Variants in IGSF11 observed in about 807,000 individuals in gnomAD.
IGSF11 encodes immunoglobulin superfamily member 11.
A neutral mutation model predicts 41.0 loss-of-function variants in IGSF11; 22 were observed. The ratio of observed to expected loss-of-function variants is 0.54; its 90% CI spans 0.38 to 0.77. IGSF11 has a LOEUF of 0.77. IGSF11 is among the 30% of genes least tolerant of loss of function. IGSF11 has a pLI of 0.00. For synonymous variants in IGSF11, 219 were observed against 201.3 expected (o/e 1.09, Z -0.74); for missense variants, 444 against 530.8 (o/e 0.84, Z 1.61).
chr3:119,044,694 G>A lies in IGSF11; in HGVS notation c.49+60450C>T, dbSNP rs190096138. On this transcript the variant is annotated intron_variant, in intron 1 of 6. Transcript: ENST00000354673. Reference sequence around the variant, plus strand: ...TGGTAACCTGTCATACAAAGGAAAAGCTATCAGACTAACACCAGATTTCTC... The same window carrying A: ...TGGTAACCTGTCATACAAAGGAAAAACTATCAGACTAACACCAGATTTCTC... 2.3e-3 allele frequency among the ~76,000 whole-genome samples: 346 copies of A among 152,290 alleles called. 1 individual carries two copies. The highest frequency in any genetic ancestry group is 6.9e-3 in the African/African-American group (288 of 41,566).
intron 1 of IGSF11, among the ~76,000 whole-genome samples, chr3:119,014,165 T>C (rs563618041): frequency 6.6e-6 from 1 of 152,308 alleles, no homozygotes; most frequent in East Asian, 1.9e-4. Flanking sequence ...TTTCTAAATT[T>C]AGGAAGTTAG....
Position 118,904,743 on chromosome 3 carries a change from A to G in IGSF11, c.759T>C (p.Ile253=), listed in dbSNP as rs1246357287. ...AAATTAGTGCAATGCAAAAAATGAT[A>G]ATAACTGCACCAGTGCCAATGGCTC... The part of the protein sequence containing the change: ...IAGAIGTGAV[I]IIFCIALILG... The change falls in exon 6 of 7, where the codon ATT becomes ATC. Residue 253 remains isoleucine, a synonymous_variant. Coordinates refer to ENST00000393775, the MANE Select transcript of IGSF11 (RefSeq NM_001015887.3). 6.2e-7 allele frequency: 1 copy of G among 1,613,706 alleles called. No individual in the cohort carries two copies. The highest frequency in any genetic ancestry group is 8.5e-7 in the Non-Finnish European group (1 of 1,179,792).
chr3:119,140,909 T>A (rs2077638025), intron 1 of IGSF11, among the ~76,000 whole-genome samples: 1 of 150,778 alleles, frequency 6.6e-6, no homozygotes, highest in Non-Finnish European at 1.5e-5. Flanking sequence ...CCAGGCATGG[T>A]GGCACATGCC....
chr3:119,133,884 G>A (rs11713516), intron 1 of IGSF11, among the ~76,000 whole-genome samples: 37,972 of 151,966 alleles, frequency 0.25, 4,821 homozygotes, highest in South Asian at 0.3. Flanking sequence ...TGATCAAGTT[G>A]GCTTCACCCC....
chr3:119,116,111 G>T (rs2077252642), intron 1 of IGSF11, among the ~76,000 whole-genome samples: 1 of 152,204 alleles, frequency 6.6e-6, no homozygotes, highest in Non-Finnish European at 1.5e-5. Flanking sequence ...TTCTGGGTGT[G>T]TCTGGAAGGG....
At chr3:119,017,448 T>C (rs1248389501) in intron 1 of IGSF11, among the ~76,000 whole-genome samples, 16 of 152,230 alleles carry the variant, frequency 1.1e-4, no homozygotes, top group Non-Finnish European at 2.1e-4. Flanking sequence ...GTTATAATCT[T>C]ATAGGACCAC....
At chr3:118,914,287 A>G (rs796337586) in intron 4 of IGSF11, among the ~76,000 whole-genome samples, 8 of 152,180 alleles carry the variant, frequency 5.3e-5, no homozygotes, top group Non-Finnish European at 1.0e-4. Flanking sequence ...TCCGGTCTAC[A>G]GCTCCCAGCG....
chr3:118,946,067 G>C (rs1559940203), intron 1 of IGSF11: 9 of 152,076 alleles, frequency 5.9e-5, no homozygotes, highest in African/African-American at 2.2e-4. Context: ...CCCAGATACA[G>C]AGAAGAACTT....
At chr3:118,939,668 A>T (rs1371989930) in intron 1 of IGSF11, among the ~76,000 whole-genome samples, 1 of 152,212 alleles carries the variant, frequency 6.6e-6, no homozygotes, top group African/African-American at 2.4e-5. Context: ...GAGTATGAAA[A>T]CACAACTTAT....
intron 1 of IGSF11, among the ~76,000 whole-genome samples, chr3:118,953,921 T>TGGAAAACCAAA: frequency 1.3e-5 from 2 of 152,090 alleles, no homozygotes; most frequent in Non-Finnish European, 2.9e-5. Flanking sequence ...TCCCATCTAT[T>TGGAAAACCAAA]TATCATTGTT....
intron 1 of IGSF11, among the ~76,000 whole-genome samples, chr3:119,102,227 T>G (rs980563980): frequency 1.3e-5 from 2 of 152,252 alleles, no homozygotes; most frequent in African/African-American, 4.8e-5. Flanking sequence ...CTATAAAAAT[T>G]CATGGAATTA....
chr3:119,069,841 G>T (rs2076367411), intron 1 of IGSF11, among the ~76,000 whole-genome samples: 1 of 151,922 alleles, frequency 6.6e-6, no homozygotes, highest in Admixed American at 6.6e-5. Flanking sequence ...TTTACTTCTC[G>T]AATTCTGTTG....
chr3:118,951,456 T>C (rs932160445), intron 1 of IGSF11, among the ~76,000 whole-genome samples: 1 of 151,266 alleles, frequency 6.6e-6, no homozygotes, highest in African/African-American at 2.5e-5. Context: ...CACATAAGCA[T>C]TTGATTTTTC....
intron 1 of IGSF11, among the ~76,000 whole-genome samples, chr3:119,045,089 A>G (rs752426063): frequency 2.0e-5 from 3 of 152,268 alleles, no homozygotes; most frequent in Non-Finnish European, 4.4e-5. Flanking sequence ...TAAATGCTCC[A>G]CTTAAAAAAT....
intron 1 of IGSF11, among the ~76,000 whole-genome samples, chr3:119,133,544 C>T (rs1275342974): frequency 6.6e-6 from 1 of 152,126 alleles, no homozygotes; most frequent in South Asian, 2.1e-4. Flanking sequence ...TCTGAATAGA[C>T]CAATAACAGG....
At chr3:119,100,778 A>G (rs1360146577) in intron 1 of IGSF11, among the ~76,000 whole-genome samples, 6 of 152,218 alleles carry the variant, frequency 3.9e-5, no homozygotes, top group Admixed American at 1.3e-4. Context: ...TTAGTCAAGG[A>G]TAAGTGATAT....
At chr3:118,995,912 C>A (rs751286642) in intron 1 of IGSF11, among the ~76,000 whole-genome samples, 2 of 151,924 alleles carry the variant, frequency 1.3e-5, no homozygotes, top group Non-Finnish European at 2.9e-5. Context: ...CCTCCCAAAG[C>A]GCTGGGATGA....
At chr3:118,944,703 G>A (rs1477437100) in intron 1 of IGSF11, among the ~76,000 whole-genome samples, 1 of 152,096 alleles carries the variant, frequency 6.6e-6, no homozygotes, top group Non-Finnish European at 1.5e-5. Context: ...TCAGCACACA[G>A]AGACCATAAT....
intron 1 of IGSF11, among the ~76,000 whole-genome samples, chr3:118,979,627 T>G (rs1934500679): frequency 6.6e-6 from 1 of 152,140 alleles, no homozygotes; most frequent in African/African-American, 2.4e-5. Context: ...TAGGCAAAGA[T>G]TTTATGGCTG....
Sources: allele counts gnomAD v4.1 joint callset (sites outside exome capture counted in the v4.1 genomes callset), GRCh38; gene constraint gnomAD v4.1.1; transcripts MANE v1.5; gene names NCBI Gene and HGNC (gene_info 2026-07-23, HGNC 2026-07-21).